FXR1: variants seen among roughly 807,000 people sequenced by gnomAD.
FXR1 encodes FMR1 autosomal homolog 1, also known as RNA-binding protein FXR1.
In FXR1, 15 loss-of-function variants were observed where a neutral mutation model predicts 84.0. The ratio of observed to expected loss-of-function variants is 0.18; its 90% CI spans 0.12 to 0.27. The LOEUF is 0.27. Ranked by LOEUF, FXR1 falls within the 10% of genes least tolerant of loss-of-function variation. The pLI, the probability that FXR1 is intolerant of heterozygous loss-of-function variation, is 1.00. For synonymous variants in FXR1, 245 were observed against 250.7 expected, an observed-to-expected ratio of 0.98 and a Z score of 0.21; for missense variants, 480 against 774.4, an observed-to-expected ratio of 0.62 and a Z score of 4.51.
intron 13 of FXR1, among the ~76,000 whole-genome samples, chr3:180,963,670 A>C (rs1374616830): frequency 6.6e-6 from 1 of 152,244 alleles, no homozygotes; most frequent in African/African-American, 2.4e-5. Context: ...ATCTAATTTA[A>C]CACTTTATAA....
rs1219486427 is a variant in FXR1 at position 180,978,436 on chromosome 3, T to C, written c.*2144T>C. 2.0e-5 allele frequency: 3 copies of C among 152,122 alleles called. No individual in the cohort carries two copies. The highest frequency in any genetic ancestry group is 4.4e-5 in the Non-Finnish European group (3 of 67,982). The allele number at this position is 152,122 out of a possible 1,614,324, so 9.4% of individuals were successfully genotyped here. A position where few individuals can be genotyped will look rare whatever the true frequency, so the allele number is the denominator to read the frequency against. On this transcript the variant is annotated 3_prime_UTR_variant, in exon 17 of 17. Coordinates refer to ENST00000357559, the MANE Select transcript of FXR1 (RefSeq NM_005087.4). Reference sequence around the variant, plus strand: ...TGTGATAAATACGCATTTGTTTTTTTAGAGAGCCCCACTCCCCAAAGGGTA... The same window carrying C: ...TGTGATAAATACGCATTTGTTTTTTCAGAGAGCCCCACTCCCCAAAGGGTA...
chr3:180,934,552 A>T (rs1461616407), intron 2 of FXR1, among the ~76,000 whole-genome samples: 1 of 152,242 alleles, frequency 6.6e-6, no homozygotes, highest in Non-Finnish European at 1.5e-5. Flanking sequence ...ATTATAATGT[A>T]TATATCCACT....
chr3:180,948,372 G>T lies in FXR1; in HGVS notation c.296G>T (p.Cys99Phe). Residue 99 changes from cysteine (C) to phenylalanine (F), a missense_variant, in exon 5 of 17, where the codon TGT becomes TTT. Cys to Phe is a radical substitution (Grantham distance 205). Transcript: ENST00000357559. Reference sequence around the variant, plus strand: ...TTTTATGTCATTGAATATGCTGCTTGTGACGCTACTTACAATGAAATAGTC... The same window carrying T: ...TTTTATGTCATTGAATATGCTGCTTTTGACGCTACTTACAATGAAATAGTC... ...GEFYVIEYAA[C>F]DATYNEIVTF... The T allele has an allele frequency of 6.2e-7, 1 of 1,605,610 alleles. No individual in the cohort carries two copies. Among genetic ancestry groups the T allele is most frequent in the Non-Finnish European group, 8.5e-7 (1 of 1,172,950 alleles).
At chr3:180,962,565 T>C (rs769899060) in intron 11 of FXR1, among the ~76,000 whole-genome samples, 7 of 152,214 alleles carry the variant, frequency 4.6e-5, no homozygotes, top group Admixed American at 2.0e-4. Context: ...TCTGGTAATA[T>C]TGTATAATTG....
chr3:180,939,709 A>G (rs1720920639), intron 3 of FXR1, among the ~76,000 whole-genome samples: 1 of 152,170 alleles, frequency 6.6e-6, no homozygotes, highest in Admixed American at 6.5e-5. Flanking sequence ...GGAGGTTGGG[A>G]AGCTGATAAC....
chr3:180,946,027 G>A (rs575638463), intron 3 of FXR1, among the ~76,000 whole-genome samples: 1 of 152,276 alleles, frequency 6.6e-6, no homozygotes, highest in African/African-American at 2.4e-5. Context: ...CTTTGCATCT[G>A]TTGTCTGATA....
chr3:180,974,900 A>G, intron 15 of FXR1, among the ~76,000 whole-genome samples: 1 of 150,142 alleles, frequency 6.7e-6, no homozygotes, highest in Non-Finnish European at 1.5e-5. Context: ...AAATTTAAGT[A>G]TATCATACTG....
At chr3:180,935,088 C>A (rs778417406) in intron 2 of FXR1, 50 bp from the exon 3 acceptor site, 2 of 841,924 alleles carry the variant, frequency 2.4e-6, no homozygotes, top group Admixed American at 2.0e-5. Flanking sequence ...CAACACCAGG[C>A]GTAGACTATA....
chr3:180,924,160 T>G (rs1239096762), intron 1 of FXR1, among the ~76,000 whole-genome samples: 1 of 152,076 alleles, frequency 6.6e-6, no homozygotes, highest in Non-Finnish European at 1.5e-5. Flanking sequence ...GGTTTCGCCA[T>G]GTTGGCCTCG....
intron 3 of FXR1, among the ~76,000 whole-genome samples, chr3:180,946,074 TTCTTC>T (rs1439745296): frequency 2.0e-5 from 3 of 152,210 alleles, no homozygotes; most frequent in African/African-American, 7.2e-5. Context: ...CTGTAAATTT[TTCTTC>T]TCTTCGCAAT....
At chr3:180,950,832 T>C (rs543748055) in intron 7 of FXR1, among the ~76,000 whole-genome samples, 3 of 152,326 alleles carry the variant, frequency 2.0e-5, no homozygotes, top group Admixed American at 6.5e-5. Flanking sequence ...TATACCACAT[T>C]ATGTTCATTC....
chr3:180,947,558 C>A (rs1199491324), intron 3 of FXR1, among the ~76,000 whole-genome samples: 1 of 152,074 alleles, frequency 6.6e-6, no homozygotes, highest in East Asian at 1.9e-4. Flanking sequence ...AACAGGAAGA[C>A]CTGTGTTTTA....
At chr3:180,935,568 T>C (rs1720426784) in intron 3 of FXR1, among the ~76,000 whole-genome samples, 1 of 152,236 alleles carries the variant, frequency 6.6e-6, no homozygotes, top group Non-Finnish European at 1.5e-5. Context: ...TTAAATAATT[T>C]GTCTTAACGA....
At chr3:180,944,003 G>A (rs1396006341) in intron 3 of FXR1, among the ~76,000 whole-genome samples, 3 of 151,822 alleles carry the variant, frequency 2.0e-5, no homozygotes, top group African/African-American at 7.2e-5. Flanking sequence ...CGCAGCCTCC[G>A]CCTCCCAGGT....
intron 1 of FXR1, among the ~76,000 whole-genome samples, chr3:180,921,124 C>T (rs1250273431): frequency 6.6e-6 from 1 of 151,922 alleles, no homozygotes; most frequent in African/African-American, 2.4e-5. Context: ...AATCCCAGCA[C>T]TTTGGGAGGC....
chr3:180,975,476 A>G (rs1465594562), intron 16 of FXR1, 72 bp downstream of exon 16: 2 of 586,878 alleles, frequency 3.4e-6, no homozygotes, highest in East Asian at 3.1e-5. Context: ...TTTTTTTACT[A>G]CTTTTACTGT....
At chr3:180,919,813 A>C (rs1718357876) in intron 1 of FXR1, among the ~76,000 whole-genome samples, 1 of 151,994 alleles carries the variant, frequency 6.6e-6, no homozygotes, top group Non-Finnish European at 1.5e-5. Context: ...AGCTGGGACT[A>C]AAGGTGCCAG....
At chr3:180,922,862 C>T (rs1035196703) in intron 1 of FXR1, among the ~76,000 whole-genome samples, 24 of 152,180 alleles carry the variant, frequency 1.6e-4, no homozygotes, top group African/African-American at 5.3e-4. Context: ...GATCTTCCTG[C>T]CTCGGCCTCC....
chr3:180,967,404 A>C (rs1174612390), intron 13 of FXR1, among the ~76,000 whole-genome samples: 1 of 152,190 alleles, frequency 6.6e-6, no homozygotes. Context: ...GGTGAAATAC[A>C]CTATACAGTT....
Sources: allele counts gnomAD v4.1 joint callset (sites outside exome capture counted in the v4.1 genomes callset), GRCh38; gene constraint gnomAD v4.1.1; transcripts MANE v1.5; gene names NCBI Gene and HGNC (gene_info 2026-07-23, HGNC 2026-07-21).